The following ELOVL6 variants were observed in gnomAD, a reference collection of about 807,000 sequenced individuals.
The protein encoded by ELOVL6 is ELOVL fatty acid elongase 6.
A neutral mutation model predicts 31.7 loss-of-function variants in ELOVL6; 8 were observed. The ratio of observed to expected loss-of-function variants is 0.25; its 90% CI spans 0.15 to 0.45. The LOEUF is 0.45. Ranked by LOEUF, ELOVL6 falls within the 20% of genes least tolerant of loss-of-function variation. The pLI, the probability that ELOVL6 is intolerant of heterozygous loss-of-function variation, is 1.00. For synonymous variants in ELOVL6, 101 were observed against 117.7 expected (o/e 0.86, Z 0.92); for missense variants, 126 against 326.4 (o/e 0.39, Z 4.73).
chr4:110,173,687 A>G (rs1348478043), intron 1 of ELOVL6, among the ~76,000 whole-genome samples: 2 of 148,168 alleles, frequency 1.3e-5, no homozygotes, highest in African/African-American at 4.9e-5. Flanking sequence ...AATAATAATA[A>G]TAATAATAAT....
chr4:110,193,379 C>T (rs1004601067), intron 1 of ELOVL6, among the ~76,000 whole-genome samples: 1 of 152,096 alleles, frequency 6.6e-6, no homozygotes, highest in Non-Finnish European at 1.5e-5. Flanking sequence ...CCGAGGTGGG[C>T]GGATTACTTG....
intron 1 of ELOVL6, among the ~76,000 whole-genome samples, chr4:110,186,370 C>T (rs1438960466): frequency 1.3e-5 from 2 of 152,022 alleles, no homozygotes; most frequent in Non-Finnish European, 2.9e-5. Context: ...TCTCTCCTAC[C>T]GGCCCCCACA....
intron 2 of ELOVL6, among the ~76,000 whole-genome samples, chr4:110,073,009 GA>G (rs1431301669): frequency 6.6e-6 from 1 of 152,132 alleles, no homozygotes; most frequent in Non-Finnish European, 1.5e-5. Flanking sequence ...GATTTAAGAA[GA>G]AAAATTAACT....
intron 1 of ELOVL6, among the ~76,000 whole-genome samples, chr4:110,114,581 C>T (rs1757124741): frequency 6.6e-6 from 1 of 152,092 alleles, no homozygotes; most frequent in South Asian, 2.1e-4. Flanking sequence ...TAAAAACTGA[C>T]CCAAATGCTG....
At chr4:110,075,658 G>A (rs1173091419) in intron 2 of ELOVL6, among the ~76,000 whole-genome samples, 1 of 152,124 alleles carries the variant, frequency 6.6e-6, no homozygotes, top group Admixed American at 6.5e-5. Context: ...AGTTTTATAA[G>A]ATGAAAAAGT....
rs1358033877 is a variant in ELOVL6, at chr4:110,198,444, G to A, written c.-109C>T. On this transcript the variant is annotated 5_prime_UTR_variant, in exon 1 of 4. Coordinates refer to ENST00000302274, the MANE Select transcript of ELOVL6 (RefSeq NM_024090.3). ...TCTGCTTCCCCCACCCACCCCCCTA[G>A]GTCTTCCCCACGCCGCTCGGTCTCC... 13 of 658,970 alleles carry A rather than the reference G, an allele frequency of 2.0e-5. No homozygotes were observed. The East Asian group carries it at 3.5e-4, about 18-fold the overall frequency. The allele number at this position is 658,970 out of a possible 1,614,324, so 40.8% of individuals were successfully genotyped here. A position where few individuals can be genotyped will look rare whatever the true frequency, so the allele number is the denominator to read the frequency against.
chr4:110,101,854 T>C (rs1756751510), intron 2 of ELOVL6, among the ~76,000 whole-genome samples: 1 of 152,170 alleles, frequency 6.6e-6, no homozygotes, highest in South Asian at 2.1e-4. Flanking sequence ...TTTGTACTTT[T>C]TGTAGAGATG....
Position 110,094,645 on chromosome 4 carries a change from A to C in ELOVL6, c.221+10852T>G, listed in dbSNP as rs1303596195. On this transcript the variant is annotated intron_variant, in intron 2 of 3. Transcript: ENST00000302274. ...GAGGCAAGAGTGGCTGAGGAGAGGG[A>C]AGAGAAGAGGTCAAAAACTAAGGGC... is the stretch of plus-strand genomic sequence containing the variant. 2.5e-4 allele frequency among the ~76,000 whole-genome samples: 38 copies of C among 151,146 alleles called. 1 individual carries two copies. The highest frequency in any genetic ancestry group is 5.9e-5 in the Non-Finnish European group (4 of 67,832).
intron 2 of ELOVL6, among the ~76,000 whole-genome samples, chr4:110,084,042 A>G (rs1418949264): frequency 5.3e-4 from 7 of 13,100 alleles, no homozygotes; most frequent in African/African-American, 1.4e-3. Flanking sequence ...ATGGTATATA[A>G]CACATGCTAT....
chr4:110,098,877 AATAGT>A (rs1756665217), intron 2 of ELOVL6, among the ~76,000 whole-genome samples: 1 of 152,144 alleles, frequency 6.6e-6, no homozygotes, highest in South Asian at 2.1e-4. Flanking sequence ...ATTTTATATA[AATAGT>A]ATCAGTACAA....
At chr4:110,146,501 A>T (rs1212936877) in intron 1 of ELOVL6, 1 of 153,040 alleles carries the variant, frequency 6.5e-6, no homozygotes, top group Non-Finnish European at 1.5e-5. Context: ...GCCACTAAGT[A>T]TCTGAAAAAT....
At chr4:110,141,842 C>A in intron 1 of ELOVL6, among the ~76,000 whole-genome samples, 1 of 99,154 alleles carries the variant, frequency 1.0e-5, no homozygotes. Context: ...TATACACTAA[C>A]ACAATACAAT....
At chr4:110,104,275 G>A (rs1365133631) in intron 2 of ELOVL6, among the ~76,000 whole-genome samples, 6 of 152,180 alleles carry the variant, frequency 3.9e-5, no homozygotes, top group East Asian at 1.9e-4. Flanking sequence ...AAATAAAAAT[G>A]AAAAGCCTTC....
intron 1 of ELOVL6, among the ~76,000 whole-genome samples, chr4:110,157,287 A>C (rs1758463217): frequency 6.6e-6 from 1 of 152,252 alleles, no homozygotes; most frequent in Non-Finnish European, 1.5e-5. Flanking sequence ...TGAAGCAAAA[A>C]TAGTTATTCC....
chr4:110,059,390 A>C (rs1177835078), intron 3 of ELOVL6, among the ~76,000 whole-genome samples: 32 of 152,240 alleles, frequency 2.1e-4, no homozygotes, highest in African/African-American at 2.4e-5. Flanking sequence ...AGTATAAACT[A>C]TCTACTCTTA....
At chr4:110,165,108 T>C (rs1012111914) in intron 1 of ELOVL6, among the ~76,000 whole-genome samples, 9 of 152,304 alleles carry the variant, frequency 5.9e-5, no homozygotes, top group Middle Eastern at 3.4e-3. Flanking sequence ...TAGAGCAGGT[T>C]TGATCTCTAT....
intron 1 of ELOVL6, among the ~76,000 whole-genome samples, chr4:110,161,582 A>C (rs1758632014): frequency 6.6e-6 from 1 of 152,022 alleles, no homozygotes; most frequent in African/African-American, 2.4e-5. Flanking sequence ...ATGTCTTTCC[A>C]ATTTTTGTGC....
chr4:110,183,337 T>C (rs1759345517), intron 1 of ELOVL6, among the ~76,000 whole-genome samples: 1 of 152,078 alleles, frequency 6.6e-6, no homozygotes, highest in African/African-American at 2.4e-5. Context: ...GTAAGCAACA[T>C]CCCCTCCCTA....
chr4:110,084,485 A>ATC (rs1560815544), intron 2 of ELOVL6, among the ~76,000 whole-genome samples: 3 of 29,656 alleles, frequency 1.0e-4, no homozygotes, highest in Non-Finnish European at 2.0e-4. Context: ...TATACACTAT[A>ATC]ATGTATACAC....
Sources: gnomAD v4.1 joint callset for allele counts (sites outside exome capture counted in the v4.1 genomes callset) on GRCh38, gnomAD v4.1.1 for gene constraint, MANE v1.5 for transcripts, NCBI Gene and HGNC (gene_info 2026-07-23, HGNC 2026-07-21) for gene names.